Variants in TENM2 observed in about 807,000 individuals in gnomAD.
TENM2 encodes teneurin transmembrane protein 2.
In TENM2, 52 loss-of-function variants were observed where a neutral mutation model predicts 245.2. The ratio of observed to expected loss-of-function variants is 0.21; its 90% CI spans 0.17 to 0.27. The LOEUF (loss-of-function observed/expected upper bound fraction) is 0.27. Ranked by LOEUF, TENM2 falls within the 10% of genes least tolerant of loss-of-function variation. The probability of loss-of-function intolerance (pLI) is 1.00; values close to 1 mark genes in which losing one functional copy is unlikely to be tolerated. For synonymous variants in TENM2, 1,363 were observed against 1,438.9 expected, an observed-to-expected ratio of 0.95 and a Z score of 1.19; for missense variants, 3,046 against 3,666.8, an observed-to-expected ratio of 0.83 and a Z score of 4.37.
chr5:168,216,729 C>T (rs1763229988), intron 21 of TENM2, 39 bp from the exon 24 acceptor site: 1 of 1,611,938 alleles, frequency 6.2e-7, no homozygotes, highest in South Asian at 1.1e-5. Flanking sequence ...AATCCTACAC[C>T]TTTCCAAGAG....
intron 27 of TENM2, among the ~76,000 whole-genome samples, chr5:168,257,889 C>T (rs1767819833): frequency 6.6e-6 from 1 of 152,114 alleles, no homozygotes; most frequent in Non-Finnish European, 1.5e-5. Flanking sequence ...GTTGGAATTA[C>T]AGGCGTGAGC....
At chr5:168,204,907 A>G (rs779783628) in intron 19 of TENM2, among the ~76,000 whole-genome samples, 3 of 152,276 alleles carry the variant, frequency 2.0e-5, no homozygotes, top group Non-Finnish European at 4.4e-5. Flanking sequence ...GAAGCTCTGT[A>G]GACACACATC....
intron 7 of TENM2, among the ~76,000 whole-genome samples, chr5:168,073,424 G>A (rs1227195696): frequency 1.3e-5 from 2 of 152,236 alleles, no homozygotes; most frequent in Non-Finnish European, 2.9e-5. Context: ...ACCAAGACAT[G>A]CCTTGTTGTG....
the TENM2 span, among the ~76,000 whole-genome samples, chr5:167,152,362 T>G: frequency 6.6e-6 from 1 of 152,198 alleles, no homozygotes; most frequent in Admixed American, 6.5e-5. Context: ...TGAGATTTAT[T>G]ATATGAAAGA....
the TENM2 span, among the ~76,000 whole-genome samples, chr5:167,198,335 C>A: frequency 6.6e-6 from 1 of 152,086 alleles, no homozygotes; most frequent in Non-Finnish European, 1.5e-5. Context: ...AAAACTGCAT[C>A]AATTTCTGTG....
chr5:168,099,814 C>A (rs192872516), intron 9 of TENM2, among the ~76,000 whole-genome samples: 7 of 152,144 alleles, frequency 4.6e-5, no homozygotes, highest in Non-Finnish European at 8.8e-5. Context: ...TCTGATGGCA[C>A]GTGCGTGAGA....
chr5:168,000,974 C>T (rs1784380574), intron 5 of TENM2, among the ~76,000 whole-genome samples: 1 of 147,482 alleles, frequency 6.8e-6, no homozygotes, highest in Non-Finnish European at 1.5e-5. Context: ...GGACTGCATG[C>T]CAGGTCCAAT....
At chr5:167,485,579 G>C (rs12517909) in intron 2 of TENM2, among the ~76,000 whole-genome samples, 38 of 152,220 alleles carry the variant, frequency 2.5e-4, no homozygotes, top group African/African-American at 7.2e-4. Flanking sequence ...GGGGCAGGAG[G>C]GGGGCAGGGA....
At chr5:167,698,589 T>G (rs986458754) in intron 2 of TENM2, among the ~76,000 whole-genome samples, 3 of 152,142 alleles carry the variant, frequency 2.0e-5, no homozygotes, top group African/African-American at 7.2e-5. Context: ...GGTTTTCCCT[T>G]CCATTGCTTG....
At chr5:168,261,941 C>A in intron 28 of TENM2, 108 bp from the exon 31 acceptor site, 1 of 1,101,286 alleles carries the variant, frequency 9.1e-7, no homozygotes, top group Non-Finnish European at 1.3e-6. Flanking sequence ...CTGGATAGAC[C>A]CAACACTAGT....
the TENM2 span, among the ~76,000 whole-genome samples, chr5:167,084,317 G>A: frequency 1.0e-4 from 4 of 39,826 alleles, no homozygotes; most frequent in Non-Finnish European, 1.5e-4. Flanking sequence ...GCTTTGAAAA[G>A]CCATTTTAGT....
chr5:167,697,541 T>A (rs543968675), intron 2 of TENM2, among the ~76,000 whole-genome samples: 1 of 152,156 alleles, frequency 6.6e-6, no homozygotes, highest in Admixed American at 6.5e-5. Context: ...GTTATCAATT[T>A]TTTTTTGAGA....
At chr5:168,104,040 G>GT (rs869035043) in intron 9 of TENM2, among the ~76,000 whole-genome samples, 1 of 139,408 alleles carries the variant, frequency 7.2e-6, no homozygotes, top group Non-Finnish European at 1.6e-5. Flanking sequence ...TTGTTTGTTT[G>GT]TTTTTTGAGA....
chr5:168,182,471 T>C (rs778686632), intron 13 of TENM2, among the ~76,000 whole-genome samples: 6 of 152,174 alleles, frequency 3.9e-5, no homozygotes, highest in Non-Finnish European at 8.8e-5. Context: ...GTCCATTCTA[T>C]AGATTGGAAA....
the TENM2 span, among the ~76,000 whole-genome samples, chr5:167,278,757 A>C: frequency 6.6e-6 from 1 of 152,136 alleles, no homozygotes; most frequent in Non-Finnish European, 1.5e-5. Flanking sequence ...TATTCTCTAC[A>C]TACGTTTAGA....
At chr5:167,926,975 A>C (rs1777818251) in intron 3 of TENM2, among the ~76,000 whole-genome samples, 1 of 152,128 alleles carries the variant, frequency 6.6e-6, no homozygotes, top group Non-Finnish European at 1.5e-5. Flanking sequence ...AACACAACAA[A>C]ATTTGGTATT....
the TENM2 span, among the ~76,000 whole-genome samples, chr5:167,066,374 AGAT>A: frequency 1.3e-5 from 2 of 152,106 alleles, no homozygotes; most frequent in Non-Finnish European, 2.9e-5. Context: ...ATTTAAAAAG[AGAT>A]GATGAGAATT....
chr5:167,281,832 C>T (rs541682689), upstream of TENM2, among the ~76,000 whole-genome samples: 1 of 152,138 alleles, frequency 6.6e-6, no homozygotes, highest in East Asian at 1.9e-4. Context: ...AACCCCGTCT[C>T]TACTAAAAAT....
chr5:168,011,781 A>C (rs1277421793), intron 5 of TENM2, among the ~76,000 whole-genome samples: 2 of 152,204 alleles, frequency 1.3e-5, no homozygotes, highest in Non-Finnish European at 2.9e-5. Flanking sequence ...GTACCGCTGA[A>C]TGTAAATCTT....
Sources: gnomAD v4.1 joint callset for allele counts (sites outside exome capture counted in the v4.1 genomes callset) on GRCh38, gnomAD v4.1.1 for gene constraint, MANE v1.5 for transcripts, NCBI Gene and HGNC (gene_info 2026-07-23, HGNC 2026-07-21) for gene names.